Variants in SYT12 observed in about 807,000 individuals in gnomAD.
The protein encoded by SYT12 is synaptotagmin-12.
In SYT12, 27 loss-of-function variants were observed where a neutral mutation model predicts 39.5. The ratio of observed to expected loss-of-function variants is 0.68; its 90% CI spans 0.50 to 0.94. The LOEUF (loss-of-function observed/expected upper bound fraction) is 0.94. Ranked by LOEUF, SYT12 falls within the 40% of genes least tolerant of loss-of-function variation. The pLI, the probability that SYT12 is intolerant of heterozygous loss-of-function variation, is 0.00. For missense variants in SYT12, 536 were observed against 572.6 expected, an observed-to-expected ratio of 0.94 and a Z score of 0.65; for synonymous variants, 233 against 239.7, an observed-to-expected ratio of 0.97 and a Z score of 0.26.
intron 3 of SYT12, among the ~76,000 whole-genome samples, chr11:67,036,823 C>G (rs940997948): frequency 3.3e-5 from 5 of 152,112 alleles, no homozygotes; most frequent in African/African-American, 1.2e-4. Flanking sequence ...CCTGTAATCC[C>G]AGCACTTTGA....
chr11:67,035,318 G>A (rs1950337398), intron 3 of SYT12, among the ~76,000 whole-genome samples: 1 of 146,030 alleles, frequency 6.8e-6, no homozygotes, highest in African/African-American at 2.6e-5. Flanking sequence ...AACTGCTAAC[G>A]TTTTCTTTCT....
intron 1 of SYT12, among the ~76,000 whole-genome samples, chr11:67,008,910 C>T (rs373280883): frequency 6.6e-6 from 1 of 152,092 alleles, no homozygotes; most frequent in Non-Finnish European, 1.5e-5. Flanking sequence ...ATAAAGGAAC[C>T]TTGGTGATAG....
rs192708006 is a variant in SYT12, at chr11:67,034,521, C to A, written c.35-124C>A. The A allele has an allele frequency of 3.3e-4, 262 of 802,800 alleles. 2 individuals are homozygous for A. The East Asian group carries it at 8.2e-3, about 25-fold the overall frequency. The allele number at this position is 802,800 out of a possible 1,614,324, so 49.7% of individuals were successfully genotyped here. On this transcript the variant is annotated intron_variant, in intron 2 of 7. Transcript: ENST00000527043. ...GTATGTCTTGTTCGACATGGGATCT[C>A]CAGCACCTAGCACATAGTAGGCATT...
intron 1 of SYT12, chr11:67,029,157 C>G (rs957619782): frequency 1.1e-4 from 17 of 152,246 alleles, no homozygotes; most frequent in Admixed American, 9.8e-4. Context: ...CACCTAGGTT[C>G]AGGTAATGGG....
At chr11:67,015,046 C>T (rs934759287) in intron 3 of SYT12, among the ~76,000 whole-genome samples, 8 of 152,212 alleles carry the variant, frequency 5.3e-5, no homozygotes, top group South Asian at 2.1e-4. Context: ...GATGCAAGTC[C>T]GCTGAGCCGG....
chr11:67,024,208 C>T (rs1003742488), intron 1 of SYT12, among the ~76,000 whole-genome samples: 7 of 152,234 alleles, frequency 4.6e-5, no homozygotes, highest in African/African-American at 1.4e-4. Context: ...TCCCAAAAGC[C>T]TGGGAAAGCT....
rs750100202 is a variant in SYT12 at position 67,043,645 on chromosome 11, G to T, written c.629G>T (p.Arg210Ile). The change falls in exon 5 of 8, where the codon AGA (arginine) becomes ATA (isoleucine). Residue 210 changes from arginine (R) to isoleucine (I), a missense_variant. By Grantham distance (97) the Arg-to-Ile change is moderately conservative. Coordinates refer to ENST00000527043, the MANE Select transcript of SYT12 (RefSeq NM_177963.4). ...EQIVGISRIQ[R>I]NAYSIFFDEK... ...TGGCCTTTTCTCCTGCAGATCCAGAGAAATGCCTACTCCATCTTCTTTGAT... is the reference window on the plus strand; with the variant it reads ...TGGCCTTTTCTCCTGCAGATCCAGATAAATGCCTACTCCATCTTCTTTGAT... 6.2e-7 allele frequency: 1 copy of T among 1,614,106 alleles called. No individual in the cohort carries two copies. Among genetic ancestry groups the T allele is most frequent in the Non-Finnish European group, 8.5e-7 (1 of 1,180,042 alleles).
At chr11:67,033,549 G>A (rs927479078) in intron 2 of SYT12, among the ~76,000 whole-genome samples, 1 of 152,154 alleles carries the variant, frequency 6.6e-6, no homozygotes, top group Non-Finnish European at 1.5e-5. Context: ...GGTCGAGGCC[G>A]GGTGGGGCAG....
rs183658340 is a variant in SYT12 at position 67,038,378 on chromosome 11, T to A, written c.229-1433T>A. Reference sequence around the variant, plus strand: ...GACGGTTTCACCATGTTGGCCAGGCTGGTCTTGAACTCCTGACCTCAGGCG... The same window carrying A: ...GACGGTTTCACCATGTTGGCCAGGCAGGTCTTGAACTCCTGACCTCAGGCG... On this transcript the variant is annotated intron_variant, in intron 3 of 7. Transcript: ENST00000527043. 3.3e-5 allele frequency among the ~76,000 whole-genome samples: 5 copies of A among 151,950 alleles called. No homozygotes were observed. The East Asian group carries it at 9.8e-4, about 30-fold the overall frequency.
intron 7 of SYT12, among the ~76,000 whole-genome samples, chr11:67,046,518 C>T (rs1368081257): frequency 6.6e-6 from 1 of 152,238 alleles, no homozygotes; most frequent in Non-Finnish European, 1.5e-5. Flanking sequence ...CAGGGCTGTA[C>T]AGAACCCGCC....
In SYT12 at chr11:67,024,566, G is replaced by A. The variant is rs1950156295; in HGVS notation, c.-24+1106G>A. On this transcript the variant is annotated intron_variant, in intron 1 of 7. Transcript: ENST00000527043. ...ACACTGCACCTCAGTTTCCTCTCCA[G>A]TACAAGGAGCAGGGTAGCAGCCCCC... is the stretch of plus-strand genomic sequence containing the variant. Among the ~76,000 whole-genome samples the A allele has an allele frequency of 2.0e-5, 3 of 152,178 alleles. No individual in the cohort carries two copies. In the South Asian group the frequency reaches 6.2e-4, roughly 31 times the overall value.
At chr11:67,035,837 C>CCTTCCTTCCTTCCTTCCTTTCTTT (rs1412426648) in intron 3 of SYT12, among the ~76,000 whole-genome samples, 4 of 111,142 alleles carry the variant, frequency 3.6e-5, no homozygotes, top group African/African-American at 8.6e-5. Context: ...TTCCTTCCTT[C>CCTTCCTTCCTTCCTTCCTTTCTTT]CTTTCTTTCT....
At position 67,039,841 on chromosome 11, in the gene SYT12, A is replaced by C. The variant is rs1359049604; in HGVS notation, c.259A>C (p.Ser87Arg). 6.2e-7 allele frequency: 1 copy of C among 1,612,388 alleles called. No homozygotes were observed. The highest frequency in any genetic ancestry group is 8.5e-7 in the Non-Finnish European group (1 of 1,179,930). ...RVPAWNAQRA[S>R]TRGPPSRKGS... ...GCCTGCCTGGAATGCCCAGCGGGCC[A>C]GCACGCGGGGACCACCCAGCCGCAA... is the stretch of plus-strand genomic sequence containing the variant. The change falls in exon 4 of 8, where the codon AGC becomes CGC. Residue 87 changes from serine to arginine, a missense_variant. Coordinates refer to ENST00000527043, the MANE Select transcript of SYT12 (RefSeq NM_177963.4).
chr11:67,045,965 C>T, intron 7 of SYT12, 88 bp downstream of exon 7: 3 of 1,549,358 alleles, frequency 1.9e-6, no homozygotes, highest in Non-Finnish European at 2.6e-6. Context: ...CTCAGGGCCC[C>T]TGCAGGGGTA....
At chr11:67,048,043 G>A (rs1854620441) in intron 7 of SYT12, among the ~76,000 whole-genome samples, 1 of 148,932 alleles carries the variant, frequency 6.7e-6, no homozygotes, top group Non-Finnish European at 1.5e-5. Context: ...CGCCCGCCTC[G>A]GCCTCCCAAA....
intron 6 of SYT12, 53 bp from the exon 7 acceptor site, chr11:67,045,691 G>A: frequency 6.2e-7 from 1 of 1,600,398 alleles, no homozygotes. Flanking sequence ...AAACTGGGCA[G>A]GGCTGTGGTG....
At chr11:67,048,090 C>T (rs554567780) in intron 7 of SYT12, among the ~76,000 whole-genome samples, 197 of 150,458 alleles carry the variant, frequency 1.3e-3, no homozygotes, top group Non-Finnish European at 2.3e-3. Context: ...CGTGCCCGGC[C>T]GAAACCCCCA....
chr11:67,023,779 C>T (rs1432095154), intron 1 of SYT12, among the ~76,000 whole-genome samples: 1 of 152,252 alleles, frequency 6.6e-6, no homozygotes, highest in Non-Finnish European at 1.5e-5. Flanking sequence ...CATTCAGCGC[C>T]CTGACTGTCC....
At chr11:67,048,473 A>T in intron 7 of SYT12, 111 bp from the exon 8 acceptor site, 2 of 1,147,090 alleles carry the variant, frequency 1.7e-6, no homozygotes, top group Non-Finnish European at 2.5e-6. Flanking sequence ...GGATTCAGGG[A>T]GCTGTGCCTG....
Sources: allele counts gnomAD v4.1 joint callset (sites outside exome capture counted in the v4.1 genomes callset), GRCh38; gene constraint gnomAD v4.1.1; transcripts MANE v1.5; gene names NCBI Gene and HGNC (gene_info 2026-07-23, HGNC 2026-07-21).